NPAS2: variants seen among roughly 807,000 people sequenced by gnomAD.
NPAS2 encodes neuronal PAS domain protein 2.
Under a neutral mutation model 107.5 loss-of-function variants are expected in NPAS2, and 23 were observed. That is an observed-to-expected ratio of 0.21 (90% CI 0.15 to 0.30). The LOEUF is 0.30. Ranked by LOEUF, NPAS2 falls within the 10% of genes least tolerant of loss-of-function variation. The pLI is 1.00. For missense variants in NPAS2, 756 were observed against 1,043.3 expected, an observed-to-expected ratio of 0.72 and a Z score of 3.79; for synonymous variants, 403 against 417.5, an observed-to-expected ratio of 0.97 and a Z score of 0.42.
At chr2:100,895,609 C>T (rs1681363713) in intron 1 of NPAS2, among the ~76,000 whole-genome samples, 1 of 152,190 alleles carries the variant, frequency 6.6e-6, no homozygotes, top group African/African-American at 2.4e-5. Flanking sequence ...AGTTCCAGCC[C>T]TCCTCCCCGC....
chr2:100,840,330 G>A (rs534092936), intron 1 of NPAS2, among the ~76,000 whole-genome samples: 5 of 152,202 alleles, frequency 3.3e-5, no homozygotes, highest in African/African-American at 7.2e-5. Flanking sequence ...GTAGGTTCCC[G>A]GGAGTGGGGA....
intron 4 of NPAS2, among the ~76,000 whole-genome samples, chr2:100,937,115 C>A (rs1684368308): frequency 6.6e-6 from 1 of 152,094 alleles, no homozygotes. Flanking sequence ...TAGAGACTTT[C>A]AAATGCATGG....
chr2:100,950,517 A>G (rs1193262550), intron 7 of NPAS2, among the ~76,000 whole-genome samples: 3 of 152,216 alleles, frequency 2.0e-5, no homozygotes, highest in African/African-American at 7.2e-5. Flanking sequence ...GAAACAGCCA[A>G]AGTAATGGCA....
At chr2:100,896,393 C>T (rs1335466837) in intron 1 of NPAS2, among the ~76,000 whole-genome samples, 1 of 152,228 alleles carries the variant, frequency 6.6e-6, no homozygotes, top group Non-Finnish European at 1.5e-5. Context: ...TCTGCTCTGT[C>T]CCCAAGCCTG....
intron 3 of NPAS2, among the ~76,000 whole-genome samples, chr2:100,929,252 G>A (rs562968982): frequency 6.6e-6 from 1 of 152,272 alleles, no homozygotes; most frequent in East Asian, 1.9e-4. Context: ...AGACACACAA[G>A]GTCAAGTCAC....
At chr2:100,882,578 G>C (rs562384703) in intron 1 of NPAS2, among the ~76,000 whole-genome samples, 3 of 152,232 alleles carry the variant, frequency 2.0e-5, no homozygotes, top group African/African-American at 7.2e-5. Flanking sequence ...GCACCACTGC[G>C]CTCCAGCCTG....
chr2:100,898,411 A>G (rs1447351129), intron 1 of NPAS2, among the ~76,000 whole-genome samples: 2 of 152,202 alleles, frequency 1.3e-5, no homozygotes, highest in African/African-American at 4.8e-5. Flanking sequence ...TGGCTGTGCA[A>G]CGACTTAGAA....
At chr2:100,823,508 A>G (rs916826155) in intron 1 of NPAS2, 1 of 152,150 alleles carries the variant, frequency 6.6e-6, no homozygotes, top group African/African-American at 2.4e-5. Context: ...AGGATGCTGG[A>G]TATCATAGTG....
intron 2 of NPAS2, among the ~76,000 whole-genome samples, chr2:100,910,300 G>A (rs1045983705): frequency 2.6e-5 from 4 of 152,036 alleles, no homozygotes; most frequent in African/African-American, 9.7e-5. Context: ...TATGAAATTA[G>A]GCCAGCTTCC....
chr2:100,863,179 G>T (rs893778927), intron 1 of NPAS2, among the ~76,000 whole-genome samples: 2 of 152,174 alleles, frequency 1.3e-5, no homozygotes, highest in African/African-American at 2.4e-5. Flanking sequence ...CTAGTCTACC[G>T]CTAGTAGCAC....
intron 1 of NPAS2, among the ~76,000 whole-genome samples, chr2:100,888,290 T>C (rs1342781813): frequency 2.6e-5 from 4 of 152,134 alleles, no homozygotes; most frequent in Non-Finnish European, 5.9e-5. Context: ...CCCATGCCTG[T>C]GCTTGAGGGG....
At chr2:100,831,038 G>A (rs1239059317) in intron 1 of NPAS2, among the ~76,000 whole-genome samples, 1 of 152,176 alleles carries the variant, frequency 6.6e-6, no homozygotes, top group Admixed American at 6.6e-5. Flanking sequence ...AGTGGCTCAT[G>A]CCTGTAATCC....
At position 100,990,700 on chromosome 2, in the gene NPAS2, G is replaced by A. The variant is rs566435543; in HGVS notation, c.2019-80G>A. 4.5e-6 allele frequency: 6 copies of A among 1,333,708 alleles called. No homozygotes were observed. The Admixed American group carries it at 1.0e-4, about 23-fold the overall frequency. The allele number at this position is 1,333,708 out of a possible 1,614,324, so 82.6% of individuals were successfully genotyped here. On this transcript the variant is annotated intron_variant, in intron 18 of 20. Transcript: ENST00000335681. Reference sequence around the variant, plus strand: ...AGTCAACCATAAAGGGTCCAGCCAGGCTGAGCAAGTGCTGCCACGACCAGT... The same window carrying A: ...AGTCAACCATAAAGGGTCCAGCCAGACTGAGCAAGTGCTGCCACGACCAGT...
chr2:100,960,630 T>C (rs1675862514), intron 7 of NPAS2, among the ~76,000 whole-genome samples: 1 of 151,988 alleles, frequency 6.6e-6, no homozygotes, highest in African/African-American at 2.4e-5. Flanking sequence ...GGCAGTGAGC[T>C]CACCTGCCTG....
intron 1 of NPAS2, among the ~76,000 whole-genome samples, chr2:100,900,650 G>C (rs1227221400): frequency 1.3e-5 from 2 of 152,110 alleles, no homozygotes; most frequent in Non-Finnish European, 2.9e-5. Context: ...TGACCAGTAG[G>C]TGAAAGTGGT....
chr2:100,843,260 C>G (rs1677562343), intron 1 of NPAS2, among the ~76,000 whole-genome samples: 1 of 151,976 alleles, frequency 6.6e-6, no homozygotes, highest in African/African-American at 2.4e-5. Flanking sequence ...GGTGTCCCCA[C>G]TTTTGGTCAG....
Position 100,881,939 on chromosome 2 carries a change from C to T in NPAS2, c.-22-22794C>T, listed in dbSNP as rs368482404. 1.2e-4 allele frequency among the ~76,000 whole-genome samples: 18 copies of T among 152,284 alleles called. No individual in the cohort carries two copies. The East Asian group carries it at 1.4e-3, about 11-fold the overall frequency. On this transcript the variant is annotated intron_variant, in intron 1 of 20. Coordinates refer to ENST00000335681, the MANE Select transcript of NPAS2 (RefSeq NM_002518.4). ...ACACCCACCACCTCCCTCATGTGCT[C>T]GCAGTGCCCTGCCCGGAGCCCAGGC... is the stretch of plus-strand genomic sequence containing the variant.
intron 15 of NPAS2, among the ~76,000 whole-genome samples, chr2:100,978,722 C>G (rs537580998): frequency 6.6e-6 from 1 of 152,158 alleles, no homozygotes; most frequent in Non-Finnish European, 1.5e-5. Flanking sequence ...TAAACAGAGA[C>G]GCCGCCGTGG....
In NPAS2 at chr2:100,911,510, C is replaced by T. The variant is rs142933434; in HGVS notation, c.32+6724C>T. Among the ~76,000 whole-genome samples the T allele has an allele frequency of 7.5e-4, 114 of 152,280 alleles. 5 individuals carry two copies. In the East Asian group the frequency reaches 0.016, roughly 21 times the overall value. ...CGCAATCATGGCTCACTGCAACCTC[C>T]GCTTCCCAGGTTCAAGCAATTCTCC... On this transcript the variant is annotated intron_variant, in intron 2 of 20. Coordinates refer to ENST00000335681, the MANE Select transcript of NPAS2 (RefSeq NM_002518.4).
Sources: allele counts gnomAD v4.1 joint callset (sites outside exome capture counted in the v4.1 genomes callset), GRCh38; gene constraint gnomAD v4.1.1; transcripts MANE v1.5; gene names NCBI Gene and HGNC (gene_info 2026-07-23, HGNC 2026-07-21).